Variants in ASB5 observed in about 807,000 individuals in gnomAD.
ASB5 encodes the protein ankyrin repeat and SOCS box protein 5.
Under a neutral mutation model 42.1 loss-of-function variants are expected in ASB5, and 45 were observed. That is an observed-to-expected ratio of 1.07 (90% CI 0.84 to 1.37). The LOEUF is 1.37. Among genes scored for constraint, ASB5 ranks in the 40% most tolerant of loss-of-function variants. The probability of loss-of-function intolerance (pLI) is 0.00; values close to 1 mark genes in which losing one functional copy is unlikely to be tolerated. For synonymous variants in ASB5, 147 were observed against 150.6 expected (o/e 0.98, Z 0.18); for missense variants, 402 against 399.8 (o/e 1.01, Z -0.05).
intron 1 of ASB5, among the ~76,000 whole-genome samples, chr4:176,225,947 A>G (rs1249320366): frequency 6.6e-6 from 1 of 152,142 alleles, no homozygotes; most frequent in Non-Finnish European, 1.5e-5. Context: ...CACTAGCAAC[A>G]TTTTTCTTCC....
intron 1 of ASB5, among the ~76,000 whole-genome samples, chr4:176,266,677 T>A (rs527737711): frequency 6.6e-6 from 1 of 152,228 alleles, no homozygotes; most frequent in East Asian, 1.9e-4. Context: ...CTATATTCTA[T>A]TGTTTCATAT....
intron 3 of ASB5, 135 bp from the exon 4 acceptor site, chr4:176,221,735 T>A (rs1753218389): frequency 1.2e-6 from 1 of 832,148 alleles, no homozygotes; most frequent in African/African-American, 1.7e-5. Context: ...TGACAAAGTA[T>A]ACTTTGCTCT....
intron 1 of ASB5, among the ~76,000 whole-genome samples, chr4:176,232,382 C>T (rs1268966279): frequency 6.6e-6 from 1 of 152,012 alleles, no homozygotes; most frequent in Non-Finnish European, 1.5e-5. Context: ...CCTCGGCCTC[C>T]CAAAGTGCTG....
rs28407705 is a variant in ASB5 at position 176,233,864 on chromosome 4, C to T, written c.197-8523G>A. Among the ~76,000 whole-genome samples the T allele has an allele frequency of 4.8e-3, 736 of 152,210 alleles. 9 individuals are homozygous for T. The highest frequency in any genetic ancestry group is 0.017 in the African/African-American group (707 of 41,534). ...TAATACAACTTAACATGTCCCAAAC[C>T]GAACCCTTGATTCCTTACTCCTAAC... On this transcript the variant is annotated intron_variant, in intron 1 of 6. Transcript: ENST00000296525.
intron 2 of ASB5, among the ~76,000 whole-genome samples, chr4:176,275,466 GTTC>G (rs1433656741): frequency 5.3e-5 from 8 of 152,150 alleles, no homozygotes; most frequent in South Asian, 2.1e-4. Context: ...TTTTAAACAT[GTTC>G]TTATTAGACT....
At chr4:176,238,956 T>C (rs1475509365) in intron 1 of ASB5, among the ~76,000 whole-genome samples, 1 of 152,234 alleles carries the variant, frequency 6.6e-6, no homozygotes, top group African/African-American at 2.4e-5. Flanking sequence ...TTTCCTTCTC[T>C]ATAAAATGAG....
rs1478733589 is a variant in ASB5, at chr4:176,225,466, CAGATACT to C, written c.197-132_197-126del. ...ACACTCAGTGTTCAACAGGGTGAGC[CAGATACT>C]TATACTGTACATTAGGAAATTTGAC... On this transcript the variant is annotated intron_variant, in intron 1 of 6. Transcript: ENST00000296525. 13 of 782,274 alleles carry C rather than the reference CAGATACT, an allele frequency of 1.7e-5. No individual in the cohort carries two copies. The Admixed American group carries it at 2.7e-4, about 16-fold the overall frequency. The allele number at this position is 782,274 out of a possible 1,614,324, so 48.5% of individuals were successfully genotyped here.
In ASB5 at chr4:176,225,345, T is replaced by A; in HGVS notation, c.197-4A>T. 6.2e-7 allele frequency: 1 copy of A among 1,609,810 alleles called. No individual in the cohort carries two copies. The highest frequency in any genetic ancestry group is 1.1e-5 in the South Asian group (1 of 89,976). ...GGTGATCGATCTGCCCAGGAACCTG[T>A]CAAAAAAGAAAAAAAGAAAGAAAAG... On this transcript the variant is annotated splice_polypyrimidine_tract_variant and splice_region_variant and intron_variant, in intron 1 of 6. Transcript: ENST00000296525.
intron 1 of ASB5, among the ~76,000 whole-genome samples, chr4:176,264,339 C>T (rs925350046): frequency 2.0e-5 from 3 of 152,072 alleles, no homozygotes; most frequent in Non-Finnish European, 2.9e-5. Flanking sequence ...ACTTACAACT[C>T]AATGAACACA....
chr4:176,231,314 T>C (rs1753537064), intron 1 of ASB5, among the ~76,000 whole-genome samples: 1 of 152,108 alleles, frequency 6.6e-6, no homozygotes, highest in African/African-American at 2.4e-5. Context: ...CCAAGCTCCT[T>C]GTAATATGAC....
intron 1 of ASB5, among the ~76,000 whole-genome samples, chr4:176,226,757 C>T (rs530751470): frequency 6.6e-6 from 1 of 152,264 alleles, no homozygotes; most frequent in East Asian, 1.9e-4. Flanking sequence ...GCTTGAATGC[C>T]CACCTCGCCA....
intron 1 of ASB5, among the ~76,000 whole-genome samples, chr4:176,242,799 T>C (rs1753836461): frequency 6.6e-6 from 1 of 152,184 alleles, no homozygotes; most frequent in African/African-American, 2.4e-5. Context: ...ATAATTTTGA[T>C]TTCTTGACCT....
chr4:176,225,261 C>T lies in ASB5; in HGVS notation c.276+1G>A. The T allele has an allele frequency of 6.2e-7, 1 of 1,605,656 alleles. No homozygotes were observed. Among genetic ancestry groups the T allele is most frequent in the Non-Finnish European group, 8.5e-7 (1 of 1,172,432 alleles). ...ATTTTAAACTATATGTAATATATTA[C>T]CTGTGATAATAATGTTCTCAGAGCA... On this transcript the variant is annotated splice_donor_variant, in intron 2 of 6. Transcript: ENST00000296525. LOFTEE classifies it high-confidence loss of function.
In ASB5 at chr4:176,251,404, T is replaced by C. The variant is rs1754030600; in HGVS notation, c.196+17509A>G. Among the ~76,000 whole-genome samples the C allele has an allele frequency of 3.9e-5, 2 of 50,864 alleles. 1 individual carries two copies. The highest frequency in any genetic ancestry group is 1.3e-4 in the African/African-American group (2 of 15,576). The allele number at this position is 50,864 out of a possible 152,430, so 33.4% of individuals were successfully genotyped here. On this transcript the variant is annotated intron_variant, in intron 1 of 6. Transcript: ENST00000296525. ...GGTGAAACCCCGTCTCTACTAAAAA[T>C]ACAAAAAATTAGCCGGGCGTAGTGG... is the stretch of plus-strand genomic sequence containing the variant.
intron 5 of ASB5, among the ~76,000 whole-genome samples, chr4:176,220,361 A>G (rs1753168005): frequency 6.6e-6 from 1 of 152,224 alleles, no homozygotes; most frequent in South Asian, 2.1e-4. Context: ...TACTAAAAAT[A>G]AAGGTCAGCA....
At position 176,219,012 on chromosome 4, in the gene ASB5, G is replaced by A. The variant is rs1753082269; in HGVS notation, c.671-2003C>T. The stretch of plus-strand genomic sequence containing the variant: ...ATTTGTATGATATATAAATATATAT[G>A]TATGATATATAAATATATATTTGTA... On this transcript the variant is annotated intron_variant, in intron 5 of 6. Coordinates refer to ENST00000296525, the MANE Select transcript of ASB5 (RefSeq NM_080874.4). Among the ~76,000 whole-genome samples, 4 of 17,524 alleles carry A rather than the reference G, an allele frequency of 2.3e-4. 1 individual carries two copies. Among genetic ancestry groups the A allele is most frequent in the African/African-American group, 3.1e-4 (1 of 3,176 alleles). 11.5% of individuals were successfully genotyped at this position (17,524 alleles called of 152,430 possible).
At chr4:176,255,350 C>A (rs1460406218) in intron 1 of ASB5, among the ~76,000 whole-genome samples, 1 of 152,224 alleles carries the variant, frequency 6.6e-6, no homozygotes, top group East Asian at 1.9e-4. Flanking sequence ...TTCAACCTAG[C>A]AATCCCATTA....
chr4:176,232,437 C>G (rs1753574123), intron 1 of ASB5, among the ~76,000 whole-genome samples: 2 of 151,998 alleles, frequency 1.3e-5, no homozygotes, highest in South Asian at 2.1e-4. Context: ...AAATATTAAA[C>G]CAACAATCGT....
At chr4:176,256,699 G>A (rs1450824849) in intron 1 of ASB5, among the ~76,000 whole-genome samples, 1 of 152,118 alleles carries the variant, frequency 6.6e-6, no homozygotes, top group Non-Finnish European at 1.5e-5. Flanking sequence ...AGCTCTTAGG[G>A]AGGCCGAAGC....
Sources: allele counts gnomAD v4.1 joint callset (sites outside exome capture counted in the v4.1 genomes callset), GRCh38; gene constraint gnomAD v4.1.1; transcripts MANE v1.5; gene names NCBI Gene and HGNC (gene_info 2026-07-23, HGNC 2026-07-21).